The following REV3L variants were observed in gnomAD, a reference collection of about 807,000 sequenced individuals.
The protein encoded by REV3L is REV3 like, DNA directed polymerase zeta catalytic subunit, also known as DNA polymerase zeta catalytic subunit.
A neutral mutation model predicts 299.4 loss-of-function variants in REV3L; 69 were observed. That is an observed-to-expected ratio of 0.23 (90% confidence interval 0.19 to 0.28). The LOEUF is 0.28. Ranked by LOEUF, REV3L falls within the 10% of genes least tolerant of loss-of-function variation. The pLI is 1.00. For synonymous variants in REV3L, 1,238 were observed against 1,271.4 expected (o/e 0.97, Z 0.56); for missense variants, 3,128 against 3,693.8 (o/e 0.85, Z 3.97).
intron 1 of REV3L, among the ~76,000 whole-genome samples, chr6:111,423,615 G>A (rs7451051): frequency 0.4 from 60,599 of 151,938 alleles, 14,598 homozygotes; most frequent in Non-Finnish European, 0.54. Context: ...GTACAGATTC[G>A]CATTTTATAA....
At position 111,482,938 on chromosome 6, in the gene REV3L, AGCAGCAGCGGCGGCGGCTCCCTCC is replaced by A. The variant is rs1259101129; in HGVS notation, c.-74_-51del. 1 of 1,475,040 alleles carries A rather than the reference AGCAGCAGCGGCGGCGGCTCCCTCC, an allele frequency of 6.8e-7. No homozygotes were observed. Among genetic ancestry groups the A allele is most frequent in the Non-Finnish European group, 8.9e-7 (1 of 1,122,544 alleles). The allele number at this position is 1,475,040 out of a possible 1,614,324, so 91.4% of individuals were successfully genotyped here. A position where few individuals can be genotyped will look rare whatever the true frequency, so the allele number is the denominator to read the frequency against. Reference sequence around the variant, plus strand: ...CCTTCACTGGCGACCCGGCAGCGGCAGCAGCAGCGGCGGCGGCTCCCTCCGCAGCGGCGGCGGCGCCCCCTCCCC... The same window carrying A: ...CCTTCACTGGCGACCCGGCAGCGGCAGCAGCGGCGGCGGCGCCCCCTCCCC... On this transcript the variant is annotated 5_prime_UTR_variant, in exon 1 of 32. Coordinates refer to ENST00000368802, the MANE Select transcript of REV3L (RefSeq NM_001372078.1).
chr6:111,446,308 C>G (rs1409377697), intron 1 of REV3L, among the ~76,000 whole-genome samples: 2 of 152,146 alleles, frequency 1.3e-5, no homozygotes, highest in Non-Finnish European at 2.9e-5. Context: ...CTTGTACAAA[C>G]TGGATTGTTG....
At chr6:111,337,801 G>A (rs1049884579) in intron 21 of REV3L, among the ~76,000 whole-genome samples, 1 of 152,108 alleles carries the variant, frequency 6.6e-6, no homozygotes, top group Non-Finnish European at 1.5e-5. Flanking sequence ...CTGAAATAAT[G>A]CATTATGTAC....
intron 1 of REV3L, among the ~76,000 whole-genome samples, chr6:111,454,964 C>G (rs538469607): frequency 1.3e-5 from 2 of 152,280 alleles, no homozygotes; most frequent in Non-Finnish European, 2.9e-5. Context: ...CCGCGCCCGG[C>G]TGTTTTTTCT....
intron 5 of REV3L, among the ~76,000 whole-genome samples, chr6:111,391,516 T>C (rs1781927839): frequency 6.6e-6 from 1 of 152,250 alleles, no homozygotes. Context: ...ATATATGTAC[T>C]CACAAGTATA....
chr6:111,377,191 A>C (rs887117749), intron 12 of REV3L, among the ~76,000 whole-genome samples: 5 of 152,252 alleles, frequency 3.3e-5, no homozygotes, highest in African/African-American at 1.2e-4. Flanking sequence ...AATGAGAAGC[A>C]AATCATGTAT....
At position 111,482,841 on chromosome 6, in the gene REV3L, C is replaced by T; in HGVS notation, c.48G>A (p.Pro16=). The T allele has an allele frequency of 2.0e-6, 3 of 1,508,214 alleles. No individual in the cohort carries two copies. The highest frequency in any genetic ancestry group is 1.3e-5 in the South Asian group (1 of 76,056). The allele number at this position is 1,508,214 out of a possible 1,614,324, so 93.4% of individuals were successfully genotyped here. ...IVTADYYMAS[P]LQGLDTCQSP... Reference sequence around the variant, plus strand: ...ATTGGCAGGTATCCAGCCCCTGCAGCGGGCTGGCCATGTAGTAGTCTGCAG... The same window carrying T: ...ATTGGCAGGTATCCAGCCCCTGCAGTGGGCTGGCCATGTAGTAGTCTGCAG... Residue 16 remains proline, a synonymous_variant, in exon 1 of 32, where the codon CCG becomes CCA. Transcript: ENST00000368802.
intron 21 of REV3L, among the ~76,000 whole-genome samples, chr6:111,336,072 AG>A (rs974226711): frequency 1.3e-5 from 2 of 151,802 alleles, no homozygotes; most frequent in East Asian, 1.9e-4. Context: ...CAAAAAAAAA[AG>A]AGTAATTTGG....
chr6:111,466,953 T>A (rs572752939), intron 1 of REV3L, among the ~76,000 whole-genome samples: 1 of 152,330 alleles, frequency 6.6e-6, no homozygotes, highest in South Asian at 2.1e-4. Flanking sequence ...TTCCTTTCAA[T>A]TTTCAGTGAA....
intron 1 of REV3L, chr6:111,471,922 G>A (rs1410954005): frequency 1.1e-5 from 7 of 653,016 alleles, no homozygotes; most frequent in Non-Finnish European, 1.4e-5. Flanking sequence ...TAAGTTGTTA[G>A]TTAAGGGTGA....
chr6:111,310,634 G>A (rs756598568), intron 29 of REV3L: 2 of 156,348 alleles, frequency 1.3e-5, no homozygotes, highest in African/African-American at 4.8e-5. Context: ...GACAGAGTGA[G>A]ACCCTGCCTC....
At chr6:111,423,848 C>A (rs937967198) in intron 1 of REV3L, among the ~76,000 whole-genome samples, 1 of 152,090 alleles carries the variant, frequency 6.6e-6, no homozygotes, top group South Asian at 2.1e-4. Context: ...GGCAACTGGA[C>A]GGATGATAAT....
intron 13 of REV3L, among the ~76,000 whole-genome samples, chr6:111,371,546 A>G (rs1582728534): frequency 2.0e-5 from 3 of 148,550 alleles, no homozygotes. Context: ...GCATGCCACC[A>G]TGCCCAGCTA....
intron 9 of REV3L, among the ~76,000 whole-genome samples, chr6:111,385,371 T>G (rs760048136): frequency 1.3e-5 from 2 of 152,106 alleles, no homozygotes; most frequent in African/African-American, 2.4e-5. Flanking sequence ...CATAAATATA[T>G]ATGTCTACTA....
intron 27 of REV3L, among the ~76,000 whole-genome samples, chr6:111,314,552 G>A (rs1773316694): frequency 6.6e-6 from 1 of 152,196 alleles, no homozygotes; most frequent in Admixed American, 6.5e-5. Flanking sequence ...TGGTAAGCAA[G>A]CTTCAGATGG....
At chr6:111,476,212 GTCATACAA>G (rs1308709836) in intron 1 of REV3L, among the ~76,000 whole-genome samples, 2 of 152,182 alleles carry the variant, frequency 1.3e-5, no homozygotes, top group Admixed American at 1.3e-4. Flanking sequence ...CTGGAATGCA[GTCATACAA>G]TCATGGCTCA....
chr6:111,474,532 T>C (rs1373091678), intron 1 of REV3L, among the ~76,000 whole-genome samples: 2 of 152,226 alleles, frequency 1.3e-5, no homozygotes, highest in Non-Finnish European at 2.9e-5. Context: ...ACTTAAAATA[T>C]CAAAAGGAGC....
In REV3L at chr6:111,411,600, G is replaced by A. The variant is rs376892910; in HGVS notation, c.330-46C>T. On this transcript the variant is annotated intron_variant, in intron 2 of 31. Transcript: ENST00000368802. Reference sequence around the variant, plus strand: ...TTTCAAATTATTTTCATAATTCAGAGATGAAATAATGCAACTTATTGCCCT... The same window carrying A: ...TTTCAAATTATTTTCATAATTCAGAAATGAAATAATGCAACTTATTGCCCT... 4.8e-5 allele frequency: 60 copies of A among 1,246,424 alleles called. No individual in the cohort carries two copies. The African/African-American group carries it at 8.4e-4, about 17-fold the overall frequency. The allele number at this position is 1,246,424 out of a possible 1,614,324, so 77.2% of individuals were successfully genotyped here. A position where few individuals can be genotyped will look rare whatever the true frequency, so the allele number is the denominator to read the frequency against.
rs58366929 is a variant in REV3L, at chr6:111,303,701, C to CTTTTTTTTT, written c.9253-3554_9253-3546dup. Among the ~76,000 whole-genome samples the CTTTTTTTTT allele has an allele frequency of 1.2e-3, 15 of 12,640 alleles. 2 individuals carry two copies. The highest frequency in any genetic ancestry group is 4.8e-3 in the Admixed American group (3 of 626). 8.3% of individuals were successfully genotyped at this position (12,640 alleles called of 152,430 possible). ...TTTTTTTTTTTTTAACAGACTATGA[C>CTTTTTTTTT]TTTTTTTTTTTTTTTTTTTTTTTTT... On this transcript the variant is annotated intron_variant, in intron 31 of 31. Transcript: ENST00000368802.
Sources: allele counts gnomAD v4.1 joint callset (sites outside exome capture counted in the v4.1 genomes callset), GRCh38; gene constraint gnomAD v4.1.1; transcripts MANE v1.5; gene names NCBI Gene and HGNC (gene_info 2026-07-23, HGNC 2026-07-21).